GALNTL6: variants seen among roughly 807,000 people sequenced by gnomAD.
GALNTL6 encodes polypeptide N-acetylgalactosaminyltransferase-like 6.
GALNTL6 carries 46 observed loss-of-function variants against 73.7 expected under a neutral mutation model. The ratio of observed to expected loss-of-function variants is 0.62; its 90% CI spans 0.49 to 0.80. The LOEUF is 0.80. GALNTL6 is among the 30% of genes least tolerant of loss of function. The pLI is 0.00. For synonymous variants in GALNTL6, 259 were observed against 263.7 expected (o/e 0.98, Z 0.17); for missense variants, 604 against 755.0 (o/e 0.80, Z 2.34).
chr4:171,961,620 T>C (rs1004823101), intron 2 of GALNTL6, among the ~76,000 whole-genome samples: 1 of 152,154 alleles, frequency 6.6e-6, no homozygotes, highest in Admixed American at 6.6e-5. Flanking sequence ...AAGAAATAAA[T>C]TATGTTTCAA....
At chr4:172,824,248 C>A (rs1224976586) in intron 7 of GALNTL6, among the ~76,000 whole-genome samples, 1 of 152,078 alleles carries the variant, frequency 6.6e-6, no homozygotes, top group Non-Finnish European at 1.5e-5. Flanking sequence ...GGTCAGCGAG[C>A]AGTCTCTAGT....
At chr4:172,145,237 T>C (rs1054724921) in intron 2 of GALNTL6, among the ~76,000 whole-genome samples, 38 of 152,158 alleles carry the variant, frequency 2.5e-4, no homozygotes, top group African/African-American at 8.7e-4. Context: ...CCTCCTGGGT[T>C]CACGCCATTC....
In GALNTL6 at chr4:172,481,496, TATTTTACAGAGAGCTGATTGGTCC is replaced by T. The variant is rs1466092446; in HGVS notation, c.553+132830_553+132853del. Among the ~76,000 whole-genome samples, 1,168 of 152,192 alleles carry T rather than the reference TATTTTACAGAGAGCTGATTGGTCC, an allele frequency of 7.7e-3. 16 individuals are homozygous for T. The highest frequency in any genetic ancestry group is 0.026 in the African/African-American group (1,100 of 41,510). On this transcript the variant is annotated intron_variant, in intron 5 of 12. Transcript: ENST00000506823. ...CCCACCCACATCCTGCTGATTGGCC[TATTTTACAGAGAGCTGATTGGTCC>T]ATTTTACAGAGAGCTGATTGGTTCG...
At chr4:172,173,531 A>C (rs899170292) in intron 2 of GALNTL6, among the ~76,000 whole-genome samples, 1 of 152,212 alleles carries the variant, frequency 6.6e-6, no homozygotes, top group Non-Finnish European at 1.5e-5. Context: ...CTCCCCTGTC[A>C]CATAAGAGAC....
At chr4:172,571,927 G>T (rs553286615) in intron 5 of GALNTL6, among the ~76,000 whole-genome samples, 2 of 152,062 alleles carry the variant, frequency 1.3e-5, no homozygotes, top group African/African-American at 2.4e-5. Flanking sequence ...GACATAAGTT[G>T]CCCTGCAGGC....
At chr4:172,966,355 T>TTCCTGGGG in intron 10 of GALNTL6, among the ~76,000 whole-genome samples, 1 of 151,926 alleles carries the variant, frequency 6.6e-6, no homozygotes, top group Admixed American at 6.6e-5. Flanking sequence ...GCAACGGAGG[T>TTCCTGGGG]TCCTGGGGTC....
intron 5 of GALNTL6, among the ~76,000 whole-genome samples, chr4:172,416,535 A>C (rs1014412757): frequency 2.0e-5 from 3 of 152,134 alleles, no homozygotes; most frequent in Non-Finnish European, 4.4e-5. Context: ...AGAAGCCCCC[A>C]CCTTTTTCAT....
chr4:172,526,084 C>T lies in GALNTL6; in HGVS notation c.553+177395C>T, dbSNP rs1734943728. Reference sequence around the variant, plus strand: ...TTGTGTGTGAATTAGTGATAGTTCTCTGCCTGATGAAAATTAGAAATTCAA... The same window carrying T: ...TTGTGTGTGAATTAGTGATAGTTCTTTGCCTGATGAAAATTAGAAATTCAA... On this transcript the variant is annotated intron_variant, in intron 5 of 12. Transcript: ENST00000506823. 2.0e-5 allele frequency among the ~76,000 whole-genome samples: 3 copies of T among 152,066 alleles called. No homozygotes were observed. The South Asian group carries it at 6.2e-4, about 31-fold the overall frequency.
At chr4:172,370,107 G>A (rs1429216260) in intron 5 of GALNTL6, among the ~76,000 whole-genome samples, 2 of 152,300 alleles carry the variant, frequency 1.3e-5, no homozygotes, top group African/African-American at 4.8e-5. Context: ...CTGGATAGGG[G>A]TGAAGAAGGG....
intron 8 of GALNTL6, among the ~76,000 whole-genome samples, chr4:172,887,520 A>G (rs1284692117): frequency 6.6e-6 from 1 of 150,424 alleles, no homozygotes; most frequent in African/African-American, 2.4e-5. Flanking sequence ...CCCTGCCAAC[A>G]TATTATATTT....
chr4:172,284,627 A>C (rs1739184784), intron 3 of GALNTL6, among the ~76,000 whole-genome samples: 1 of 152,092 alleles, frequency 6.6e-6, no homozygotes, highest in Non-Finnish European at 1.5e-5. Context: ...TAGGTCTTAC[A>C]CTTAAGTCTT....
chr4:172,756,455 CCATTATGGTGAAACCT>C (rs1737755809), intron 5 of GALNTL6, among the ~76,000 whole-genome samples: 1 of 151,944 alleles, frequency 6.6e-6, no homozygotes, highest in African/African-American at 2.4e-5. Context: ...ACCAGCCTGA[CCATTATGGTGAAACCT>C]CATCTCTACC....
At chr4:171,908,587 G>C (rs1436249602) in intron 2 of GALNTL6, among the ~76,000 whole-genome samples, 57 of 150,716 alleles carry the variant, frequency 3.8e-4, no homozygotes, top group African/African-American at 1.2e-3. Context: ...TCAGTGTGGC[G>C]ATTCCTCAGG....
intron 2 of GALNTL6, among the ~76,000 whole-genome samples, chr4:171,945,690 G>A (rs1044714371): frequency 2.0e-5 from 3 of 151,964 alleles, no homozygotes; most frequent in African/African-American, 7.2e-5. Context: ...CTTAGGTTTC[G>A]GGGAAGAGCT....
At chr4:172,206,805 G>GTTTTTTTTTTTTTTTTTTTTTTTTTT (rs778156050) in intron 2 of GALNTL6, among the ~76,000 whole-genome samples, 11 of 26,170 alleles carry the variant, frequency 4.2e-4, no homozygotes, top group Admixed American at 6.7e-4. Flanking sequence ...TTGTTTTTCT[G>GTTTTTTTTTTTTTTTTTTTTTTTTTT]TTTTTTTTGT....
chr4:172,379,462 G>C (rs1488155671), intron 5 of GALNTL6, among the ~76,000 whole-genome samples: 1 of 145,640 alleles, frequency 6.9e-6, no homozygotes, highest in Non-Finnish European at 1.5e-5. Flanking sequence ...CCCGGGAAGC[G>C]GAGCTTGCAG....
Position 172,137,172 on chromosome 4 carries a change from T to G in GALNTL6, c.139-92484T>G, listed in dbSNP as rs144793039. Reference sequence around the variant, plus strand: ...GTCATTATTGACTGTTTTTTGTTATTGATACATTAGGAACAATTAATACTT... The same window carrying G: ...GTCATTATTGACTGTTTTTTGTTATGGATACATTAGGAACAATTAATACTT... On this transcript the variant is annotated intron_variant, in intron 2 of 12. Transcript: ENST00000506823. Among the ~76,000 whole-genome samples, 165 of 152,254 alleles carry G rather than the reference T, an allele frequency of 1.1e-3. 2 individuals carry two copies. The East Asian group carries it at 0.028, about 26-fold the overall frequency.
intron 2 of GALNTL6, among the ~76,000 whole-genome samples, chr4:171,862,296 G>A (rs1049717294): frequency 6.6e-6 from 1 of 152,046 alleles, no homozygotes; most frequent in African/African-American, 2.4e-5. Flanking sequence ...TTTGTCTTTG[G>A]TAGTAGTTTT....
intron 2 of GALNTL6, among the ~76,000 whole-genome samples, chr4:171,921,149 A>AATTG (rs1036501318): frequency 1.5e-4 from 23 of 152,058 alleles, no homozygotes; most frequent in African/African-American, 5.1e-4. Flanking sequence ...TTTAGTTACA[A>AATTG]ATTGACAACA....
Sources: gnomAD v4.1 joint callset for allele counts (sites outside exome capture counted in the v4.1 genomes callset) on GRCh38, gnomAD v4.1.1 for gene constraint, MANE v1.5 for transcripts, NCBI Gene and HGNC (gene_info 2026-07-23, HGNC 2026-07-21) for gene names.